Variants in PCDHGA7 observed in about 807,000 individuals in gnomAD.
PCDHGA7 encodes protocadherin gamma-A7.
In PCDHGA7, 44 loss-of-function variants were observed where a neutral mutation model predicts 58.3. The observed-to-expected ratio is 0.75, with a 90% CI of 0.59 to 0.97. The LOEUF is 0.97. Ranked by LOEUF, PCDHGA7 falls within the 50% of genes least tolerant of loss-of-function variation. PCDHGA7 has a pLI of 0.00. For missense variants in PCDHGA7, 1,266 were observed against 1,188.7 expected, an observed-to-expected ratio of 1.06 and a Z score of -0.96; for synonymous variants, 516 against 504.2, an observed-to-expected ratio of 1.02 and a Z score of -0.31.
At chr5:141,418,669 C>T (rs2096278985) in intron 1 of PCDHGA7, 1 of 1,614,018 alleles carries the variant, frequency 6.2e-7, no homozygotes, top group Non-Finnish European at 8.5e-7. Flanking sequence ...CTGACCAGGA[C>T]GAGGGCATCA....
chr5:141,427,138 A>G (rs1397576025), intron 1 of PCDHGA7: 1 of 456,954 alleles, frequency 2.2e-6, no homozygotes, highest in Non-Finnish European at 4.4e-6. Context: ...CTACGAGATG[A>G]TATTGGAAAT....
At chr5:141,428,097 C>T (rs2097109296) in intron 1 of PCDHGA7, 2 of 1,608,758 alleles carry the variant, frequency 1.2e-6, no homozygotes, top group African/African-American at 1.3e-5. Flanking sequence ...GCTGTCCTAC[C>T]ACGTGCTGCA....
intron 1 of PCDHGA7, among the ~76,000 whole-genome samples, chr5:141,480,693 G>C (rs1488899685): frequency 2.6e-5 from 4 of 152,096 alleles, no homozygotes; most frequent in Non-Finnish European, 5.9e-5. Context: ...CTGAAACCCA[G>C]GCCACACCCC....
chr5:141,458,421 G>T (rs1294502132), intron 1 of PCDHGA7, among the ~76,000 whole-genome samples: 1 of 152,114 alleles, frequency 6.6e-6, no homozygotes, highest in African/African-American at 2.4e-5. Context: ...GGGTTCCAAA[G>T]CTGAAAGAGG....
At chr5:141,455,282 A>C (rs1307886349) in intron 1 of PCDHGA7, among the ~76,000 whole-genome samples, 1 of 152,056 alleles carries the variant, frequency 6.6e-6, no homozygotes, top group Non-Finnish European at 1.5e-5. Flanking sequence ...TATTAACATC[A>C]CTTTACATAG....
Position 141,477,710 on chromosome 5 carries a change from G to A in PCDHGA7, c.2425-17097G>A, listed in dbSNP as rs747156156. ...GCCCCTAGACTATGAGGATCGGCGG[G>A]AATTTGAATTAACAGCTCATATCAG... On this transcript the variant is annotated intron_variant, in intron 1 of 3. Transcript: ENST00000518325. This position sits in a 1 kb window ranked among gnomAD's most constrained non-coding sequence, Gnocchi z 4.9. 2.5e-6 allele frequency: 4 copies of A among 1,613,918 alleles called. No homozygotes were observed. Among genetic ancestry groups the A allele is most frequent in the Middle Eastern group, 3.3e-4 (2 of 6,062 alleles).
intron 1 of PCDHGA7, chr5:141,398,633 A>G: frequency 6.2e-7 from 1 of 1,614,064 alleles, no homozygotes; most frequent in Non-Finnish European, 8.5e-7. Flanking sequence ...TCTCTGCAGA[A>G]GTATAAACTC....
intron 1 of PCDHGA7, among the ~76,000 whole-genome samples, chr5:141,466,183 T>G (rs145148468): frequency 2.0e-5 from 3 of 152,138 alleles, no homozygotes; most frequent in Middle Eastern, 3.4e-3. Flanking sequence ...TATTTTTATT[T>G]TTTTTCAGAC....
chr5:141,485,074 G>C lies in PCDHGA7; in HGVS notation c.2425-9733G>C, dbSNP rs2099606548. ...GGCCGAACCGCGCCAGAGCTGGCGC[G>C]GGGAAAGGGAGATAGGTGTCTCCAG... On this transcript the variant is annotated intron_variant, in intron 1 of 3. Coordinates refer to ENST00000518325, the MANE Select transcript of PCDHGA7 (RefSeq NM_018920.4). The surrounding 1 kb of genome is among the most constrained non-coding windows in gnomAD (Gnocchi z 5.7). 1 of 926,946 alleles carries C rather than the reference G, an allele frequency of 1.1e-6. No individual in the cohort carries two copies. The highest frequency in any genetic ancestry group is 1.6e-5 in the South Asian group (1 of 62,606). The allele number at this position is 926,946 out of a possible 1,614,324, so 57.4% of individuals were successfully genotyped here.
rs768704302 is a variant in PCDHGA7 at position 141,383,259 on chromosome 5, C to A, written c.360C>A (p.Asp120Glu). Residue 120 changes from aspartate to glutamate, a missense_variant, in exon 1 of 4, where the codon GAC becomes GAA. Coordinates refer to ENST00000518325, the MANE Select transcript of PCDHGA7 (RefSeq NM_018920.4). ...ATAAAATGAATCTTTACCCTATAGA[C>A]GTGGAAATAATAGATATTAATGACA... Reference protein sequence around the residue: ...MEDKMNLYPIDVEIIDINDNV... With the variant: ...MEDKMNLYPIEVEIIDINDNV... The A allele has an allele frequency of 5.6e-6, 9 of 1,613,810 alleles. No individual in the cohort carries two copies. In the South Asian group the frequency reaches 6.6e-5, roughly 12 times the overall value.
chr5:141,409,416 T>G (rs770750853), intron 1 of PCDHGA7: 1 of 1,613,964 alleles, frequency 6.2e-7, no homozygotes, highest in South Asian at 1.1e-5. Flanking sequence ...TACAAACTGG[T>G]GACAGATGGA....
At chr5:141,390,385 C>T in intron 1 of PCDHGA7, 1 of 1,430,580 alleles carries the variant, frequency 7.0e-7, no homozygotes, top group South Asian at 1.3e-5. Flanking sequence ...TTTTAGATGT[C>T]ATGGATCATT....
intron 1 of PCDHGA7, chr5:141,390,466 G>A: frequency 1.4e-6 from 1 of 712,034 alleles, no homozygotes; most frequent in East Asian, 2.7e-5. Context: ...AGGAGCAATT[G>A]TGTGGCCCAA....
At chr5:141,499,212 G>A (rs904920940) in intron 2 of PCDHGA7, among the ~76,000 whole-genome samples, 1 of 151,898 alleles carries the variant, frequency 6.6e-6, no homozygotes, top group African/African-American at 2.4e-5. Context: ...TGTAACCCAG[G>A]CCCTGCCCTG....
intron 1 of PCDHGA7, among the ~76,000 whole-genome samples, chr5:141,474,116 A>G (rs2099342954): frequency 1.3e-5 from 2 of 152,234 alleles, no homozygotes; most frequent in African/African-American, 4.8e-5. Flanking sequence ...AACAACAACG[A>G]AAATCTCAGA....
At chr5:141,497,503 C>CTGCTTCCT (rs1042765123) in intron 2 of PCDHGA7, among the ~76,000 whole-genome samples, 57 of 151,054 alleles carry the variant, frequency 3.8e-4, no homozygotes, top group African/African-American at 1.4e-3. Flanking sequence ...TCTCCTCTCT[C>CTGCTTCCT]TGCTTCCTTA....
At chr5:141,457,063 G>A (rs1477613746) in intron 1 of PCDHGA7, among the ~76,000 whole-genome samples, 1 of 152,104 alleles carries the variant, frequency 6.6e-6, no homozygotes, top group East Asian at 1.9e-4. Context: ...CTTCCTTTTT[G>A]CCAGTAACTA....
In PCDHGA7 at chr5:141,489,523, C is replaced by CT. The variant is rs1379784656; in HGVS notation, c.2425-5283dup. On this transcript the variant is annotated intron_variant, in intron 1 of 3. Coordinates refer to ENST00000518325, the MANE Select transcript of PCDHGA7 (RefSeq NM_018920.4). The surrounding 1 kb of genome is among the most constrained non-coding windows in gnomAD (Gnocchi z 4.5). ...GAATCAAAAGATTGACCGAGAAAGC[C>CT]TATGTGGAGCCAGCACCAGCTGCCT... 1 of 1,614,006 alleles carries CT rather than the reference C, an allele frequency of 6.2e-7. No homozygotes were observed. Among genetic ancestry groups the CT allele is most frequent in the Non-Finnish European group, 8.5e-7 (1 of 1,180,044 alleles).
At chr5:141,445,938 G>A (rs2098482293) in intron 1 of PCDHGA7, among the ~76,000 whole-genome samples, 1 of 152,196 alleles carries the variant, frequency 6.6e-6, no homozygotes, top group Non-Finnish European at 1.5e-5. Flanking sequence ...GAATTATTAA[G>A]CTTACTCTGG....
Sources: allele counts gnomAD v4.1 joint callset (sites outside exome capture counted in the v4.1 genomes callset), GRCh38; gene constraint gnomAD v4.1.1; non-coding constraint Gnocchi (gnomAD v3.1); transcripts MANE v1.5; gene names NCBI Gene and HGNC (gene_info 2026-07-23, HGNC 2026-07-21).